PRDM14: variants seen among roughly 807,000 people sequenced by gnomAD.
The protein encoded by PRDM14 is PR/SET domain 14, also known as PR domain zinc finger protein 14.
Under a neutral mutation model 48.0 loss-of-function variants are expected in PRDM14, and 16 were observed. The ratio of observed to expected loss-of-function variants is 0.33; its 90% CI spans 0.23 to 0.51. The LOEUF is 0.51. PRDM14 is among the 20% of genes least tolerant of loss of function. The pLI is 0.97. For missense variants in PRDM14, 566 were observed against 719.6 expected, an observed-to-expected ratio of 0.79 and a Z score of 2.44; for synonymous variants, 264 against 276.6, an observed-to-expected ratio of 0.95 and a Z score of 0.45.
Position 70,069,540 on chromosome 8 carries a change from G to T in PRDM14, c.321C>A (p.Val107=). The part of the protein sequence containing the change: ...KLPPWYPIPH[V]PREVPPFLSS... ...TCAGGAAGGGCGGCACTTCCCTGGG[G>T]ACGTGGGGAATTGGGTACCACGGTG... The change falls in exon 2 of 8, where the codon GTC becomes GTA. Residue 107 remains valine, a synonymous_variant. Coordinates refer to ENST00000276594, the MANE Select transcript of PRDM14 (RefSeq NM_024504.4). The T allele has an allele frequency of 6.2e-7, 1 of 1,608,590 alleles. No individual in the cohort carries two copies. The highest frequency in any genetic ancestry group is 1.1e-5 in the South Asian group (1 of 90,302).
chr8:70,068,726 A>G (rs986489001), intron 2 of PRDM14, among the ~76,000 whole-genome samples, 194 bp from the exon 3 acceptor site: 1 of 152,096 alleles, frequency 6.6e-6, no homozygotes, highest in Non-Finnish European at 1.5e-5. Context: ...TCCATATACA[A>G]TTTCTCATTT....
At chr8:70,066,621 C>T (rs981718369) in intron 4 of PRDM14, 116 bp from the exon 5 acceptor site, 2 of 766,476 alleles carry the variant, frequency 2.6e-6, no homozygotes, top group Non-Finnish European at 4.3e-6. Flanking sequence ...AAATACACTT[C>T]TATCATTCTG....
chr8:70,056,329 G>A (rs1655708374), intron 6 of PRDM14, among the ~76,000 whole-genome samples: 1 of 152,104 alleles, frequency 6.6e-6, no homozygotes, highest in Non-Finnish European at 1.5e-5. Context: ...AAAGCAGAAG[G>A]CCTTTGGTTT....
intron 5 of PRDM14, among the ~76,000 whole-genome samples, chr8:70,063,251 T>C (rs1805614831): frequency 6.6e-6 from 1 of 151,968 alleles, no homozygotes; most frequent in Non-Finnish European, 1.5e-5. Flanking sequence ...CTGGCCAAAA[T>C]GGCGAAACCC....
chr8:70,060,307 T>A (rs1331780230), intron 5 of PRDM14, among the ~76,000 whole-genome samples: 1 of 148,236 alleles, frequency 6.7e-6, no homozygotes, highest in Non-Finnish European at 1.5e-5. Context: ...GATGGGAGGA[T>A]CACCTGAGCC....
intron 7 of PRDM14, among the ~76,000 whole-genome samples, chr8:70,052,796 C>T (rs952502893): frequency 7.9e-6 from 1 of 127,368 alleles, no homozygotes; most frequent in Non-Finnish European, 1.6e-5. Context: ...ACCCAGGAGG[C>T]GGAGGTTGCA....
chr8:70,056,988 C>T (rs1410772783), intron 6 of PRDM14, among the ~76,000 whole-genome samples: 1 of 144,894 alleles, frequency 6.9e-6, no homozygotes, highest in Non-Finnish European at 1.5e-5. Context: ...TTTTTTGAGA[C>T]GGAGTCTCGC....
chr8:70,052,036 A>C lies in PRDM14; in HGVS notation c.*41T>G, dbSNP rs758816372. On this transcript the variant is annotated 3_prime_UTR_variant, in exon 8 of 8. Coordinates refer to ENST00000276594, the MANE Select transcript of PRDM14 (RefSeq NM_024504.4). ...TGATCCACCCACCTCTGCCTCCCAA[A>C]GTGCTGGGATTACAGGCGTGAGTCA... The C allele has an allele frequency of 7.1e-7, 1 of 1,415,180 alleles. No homozygotes were observed. Among genetic ancestry groups the C allele is most frequent in the Admixed American group, 1.8e-5 (1 of 54,688 alleles). 87.7% of individuals were successfully genotyped at this position (1,415,180 alleles called of 1,614,324 possible).
intron 7 of PRDM14, among the ~76,000 whole-genome samples, chr8:70,053,098 TAAAA>T (rs71275048): frequency 5.7e-4 from 47 of 82,172 alleles, no homozygotes; most frequent in Admixed American, 2.0e-3. Flanking sequence ...ACCCTCTCTT[TAAAA>T]AAAAAAAAAA....
chr8:70,066,136 C>G (rs928643171), intron 5 of PRDM14, 99 bp downstream of exon 5: 5 of 1,336,652 alleles, frequency 3.7e-6, no homozygotes, highest in Admixed American at 2.1e-5. Flanking sequence ...TCTGCATTAG[C>G]CTTTAGGAGG....
At chr8:70,069,919 C>A in intron 1 of PRDM14, 35 bp from the exon 2 acceptor site, 2 of 1,355,884 alleles carry the variant, frequency 1.5e-6, no homozygotes, top group South Asian at 1.5e-5. Context: ...GGACACCGCG[C>A]GGGAGCTTCC....
At chr8:70,069,970 C>T in intron 1 of PRDM14, 86 bp from the exon 2 acceptor site, 4 of 720,488 alleles carry the variant, frequency 5.6e-6, no homozygotes, top group Non-Finnish European at 9.0e-6. Context: ...TCCTCCACCC[C>T]AGCCAGCCCC....
chr8:70,059,985 T>C (rs1256000630), intron 5 of PRDM14, among the ~76,000 whole-genome samples: 1 of 150,192 alleles, frequency 6.7e-6, no homozygotes, highest in African/African-American at 2.5e-5. Context: ...CCCAGCTACT[T>C]GGGAGGCTGA....
Position 70,058,755 on chromosome 8 carries a change from C to T in PRDM14, c.1271G>A (p.Cys424Tyr). ...AAATTTCCTATCGCCCTTGTCCACACAGGGGGTGTACTTGAGGTGCTTATC... is the reference window on the plus strand; with the variant it reads ...AAATTTCCTATCGCCCTTGTCCACATAGGGGGTGTACTTGAGGTGCTTATC... The part of the protein sequence containing the change: ...YRDKHLKYTP[C>Y]VDKGDRKFPC... Residue 424 changes from cysteine (C) to tyrosine (Y), a missense_variant, in exon 6 of 8, where the codon TGT becomes TAT. Physicochemically the swap from Cys to Tyr is radical, Grantham distance 194. Coordinates refer to ENST00000276594, the MANE Select transcript of PRDM14 (RefSeq NM_024504.4). 1 of 1,614,100 alleles carries T rather than the reference C, an allele frequency of 6.2e-7. No individual in the cohort carries two copies. Among genetic ancestry groups the T allele is most frequent in the Admixed American group, 1.7e-5 (1 of 60,004 alleles).
At chr8:70,066,607 C>T in intron 4 of PRDM14, 102 bp from the exon 5 acceptor site, 1 of 807,008 alleles carries the variant, frequency 1.2e-6, no homozygotes, top group Non-Finnish European at 2.0e-6. Flanking sequence ...CACTTGAGTC[C>T]ACCAAATACA....
intron 5 of PRDM14, among the ~76,000 whole-genome samples, chr8:70,063,998 C>T (rs918438442): frequency 3.9e-5 from 6 of 152,120 alleles, no homozygotes; most frequent in African/African-American, 1.4e-4. Context: ...CACCAAAACA[C>T]TTCTGGTCCC....
At chr8:70,068,195 A>T in intron 4 of PRDM14, 35 bp downstream of exon 4, 1 of 1,612,866 alleles carries the variant, frequency 6.2e-7, no homozygotes, top group Non-Finnish European at 8.5e-7. Context: ...CTCCCGCCCC[A>T]TTTTCAGCAG....
chr8:70,057,737 C>T (rs1351913338), intron 6 of PRDM14, among the ~76,000 whole-genome samples: 2 of 152,086 alleles, frequency 1.3e-5, no homozygotes, highest in African/African-American at 4.8e-5. Flanking sequence ...GTCTAATAAG[C>T]GAGAAATACC....
chr8:70,052,865 C>CAAAAA (rs71275047), intron 7 of PRDM14, among the ~76,000 whole-genome samples: 1 of 24,338 alleles, frequency 4.1e-5, no homozygotes, highest in African/African-American at 1.8e-4. Flanking sequence ...ACTCTGTCTC[C>CAAAAA]AAAAAAAAAA....
Sources: allele counts gnomAD v4.1 joint callset (sites outside exome capture counted in the v4.1 genomes callset), GRCh38; gene constraint gnomAD v4.1.1; transcripts MANE v1.5; gene names NCBI Gene and HGNC (gene_info 2026-07-23, HGNC 2026-07-21).